Variants in ABCA7 observed in about 807,000 individuals in gnomAD.
ABCA7 encodes ATP binding cassette subfamily A member 7.
Under a neutral mutation model 227.6 loss-of-function variants are expected in ABCA7, and 261 were observed. The ratio of observed to expected loss-of-function variants is 1.15; its 90% CI spans 1.04 to 1.27. The LOEUF is 1.27. Ranked by LOEUF, ABCA7 falls within the 50% of genes most tolerant of loss-of-function variation. ABCA7 has a pLI of 0.00. For missense variants in ABCA7, 3,331 were observed against 2,924.5 expected (o/e 1.14, Z -3.21); for synonymous variants, 1,488 against 1,279.7 (o/e 1.16, Z -3.47).
At position 1,045,246 on chromosome 19, in the gene ABCA7, GGGGCGGGGGGATGAGGGACT is replaced by G. The variant is rs781193919; in HGVS notation, c.1445+24_1445+43del. ...ATCAGGGACAGGTCAGGCGAGGGAG[GGGGCGGGGGGATGAGGGACT>G]GGGCGGGGCCAAGAGCGTGGTGGGT... On this transcript the variant is annotated intron_variant, in intron 12 of 46. Transcript: ENST00000263094. 3.1e-6 allele frequency: 5 copies of G among 1,598,422 alleles called. No homozygotes were observed. The highest frequency in any genetic ancestry group is 4.5e-5 in the East Asian group (2 of 44,732).
rs1411691114 is a variant in ABCA7 at position 1,063,749 on chromosome 19, G to T, written c.5848-11G>T. 6.5e-7 allele frequency: 1 copy of T among 1,548,476 alleles called. No homozygotes were observed. On this transcript the variant is annotated splice_polypyrimidine_tract_variant and intron_variant, in intron 43 of 46. Transcript: ENST00000263094. ...CGGGGCCTTGCTTATGGGATCTTCC[G>T]TGCTCCCCAGGACGAGCCGACCACA...
chr19:1,057,094 C>A lies in ABCA7; in HGVS notation c.4764+10C>A. ...CTTTCTCTGGGACATGGTGCGGGGG[C>A]TGCTTGGACGGGTGGGGGCCCAGCC... On this transcript the variant is annotated intron_variant, in intron 34 of 46. Coordinates refer to ENST00000263094, the MANE Select transcript of ABCA7 (RefSeq NM_019112.4). 1 of 1,607,530 alleles carries A rather than the reference C, an allele frequency of 6.2e-7. No individual in the cohort carries two copies.
intron 40 of ABCA7, among the ~76,000 whole-genome samples, chr19:1,061,390 CAAAAAAAA>C (rs978850571): frequency 5.4e-5 from 2 of 36,920 alleles, no homozygotes; most frequent in African/African-American, 1.4e-4. Context: ...GGCTCCGTCT[CAAAAAAAA>C]AAAAAAAAAA....
At chr19:1,048,832 CA>C (rs1396752480) in intron 16 of ABCA7, 62 bp from the exon 17 acceptor site, 23 of 968,532 alleles carry the variant, frequency 2.4e-5, no homozygotes, top group African/African-American at 2.1e-4. Flanking sequence ...AACAAAACCC[CA>C]AAAAAAGCCT....
chr19:1,057,583 G>A (rs1049593055), intron 35 of ABCA7, among the ~76,000 whole-genome samples, 154 bp downstream of exon 35: 3 of 152,108 alleles, frequency 2.0e-5, no homozygotes, highest in Non-Finnish European at 4.4e-5. Flanking sequence ...GGTGTGCCAA[G>A]GTGGCCTTAA....
At chr19:1,057,576 G>A (rs2042361831) in intron 35 of ABCA7, 147 bp downstream of exon 35, 1 of 858,514 alleles carries the variant, frequency 1.2e-6, no homozygotes, top group African/African-American at 1.7e-5. Flanking sequence ...ATTCAGTGGT[G>A]TGCCAAGGTG....
intron 34 of ABCA7, 92 bp from the exon 35 acceptor site, chr19:1,057,222 C>A: frequency 1.9e-6 from 3 of 1,564,216 alleles, no homozygotes; most frequent in South Asian, 2.3e-5. Flanking sequence ...CCTTCCTACT[C>A]AAAAAGCAAG....
At chr19:1,050,804 AATAAT>A in intron 18 of ABCA7, 112 bp from the exon 19 acceptor site, 1 of 499,146 alleles carries the variant, frequency 2.0e-6, no homozygotes, top group Non-Finnish European at 2.7e-6. Flanking sequence ...TAATAATAAT[AATAAT>A]AATAATAATA....
At position 1,041,866 on chromosome 19, in the gene ABCA7, A is replaced by AC; in HGVS notation, c.198dup (p.Val67ArgfsTer10). On this transcript the variant is annotated frameshift_variant, in exon 4 of 47. Transcript: ENST00000263094. LOFTEE classifies it high-confidence loss of function. ...AAACAAGCCACTGCCATCGGCGGGC[A>AC]CCGTGCCCTGGCTCCAGGGTCTCAT... 6.3e-7 allele frequency: 1 copy of AC among 1,597,936 alleles called. No homozygotes were observed. Among genetic ancestry groups the AC allele is most frequent in the Non-Finnish European group, 8.5e-7 (1 of 1,176,892 alleles).
rs145232000 is a variant in ABCA7 at position 1,056,110 on chromosome 19, C to T, written c.4283C>T (p.Ser1428Leu). ...GGGGGCCGAGACCCAGGCCTGCCCT[C>T]GGGCCAAGAGTTGGGCCGCTCAGTG... ...SLGGRDPGLP[S>L]GQELGRSVEE... The change falls in exon 32 of 47, where the codon TCG becomes TTG. Residue 1428 changes from serine (S) to leucine (L), a missense_variant. Ser to Leu is a moderately radical substitution (Grantham distance 145, BLOSUM62 -2). Transcript: ENST00000263094. This position sits in a 1 kb window ranked among gnomAD's most constrained non-coding sequence, Gnocchi z 4.3. The T allele has an allele frequency of 2.0e-4, 321 of 1,606,694 alleles. 1 individual carries two copies. Among genetic ancestry groups the T allele is most frequent in the Middle Eastern group, 3.3e-4 (2 of 6,038 alleles).
At chr19:1,058,355 A>T in intron 37 of ABCA7, 86 bp downstream of exon 37, 1 of 1,546,238 alleles carries the variant, frequency 6.5e-7, no homozygotes, top group Non-Finnish European at 8.7e-7. Flanking sequence ...AGTGGAGAAA[A>T]ACAGCCCCCC....
chr19:1,045,265 C>A, intron 12 of ABCA7, 34 bp downstream of exon 12: 1 of 1,139,462 alleles, frequency 8.8e-7, no homozygotes, highest in Non-Finnish European at 1.3e-6. Flanking sequence ...GGATGAGGGA[C>A]TGGGCGGGGC....
chr19:1,047,329 T>C lies in ABCA7; in HGVS notation c.2018T>C (p.Leu673Pro). 4 of 1,597,188 alleles carry C rather than the reference T, an allele frequency of 2.5e-6. No homozygotes were observed. Among genetic ancestry groups the C allele is most frequent in the Non-Finnish European group, 2.6e-6 (3 of 1,175,298 alleles). ...TTCTCCCTCTACCTGCCCTACGTGCTGTGTGTGGCTTGGCGGGACCGGCTG... is the reference window on the plus strand; with the variant it reads ...TTCTCCCTCTACCTGCCCTACGTGCCGTGTGTGGCTTGGCGGGACCGGCTG... ...AYFSLYLPYV[L>P]CVAWRDRLPA... The change falls in exon 15 of 47, where the codon CTG (leucine) becomes CCG (proline). Residue 673 changes from leucine to proline, a missense_variant. Physicochemically the swap from Leu to Pro is moderately conservative, Grantham distance 98 (BLOSUM62 -3). Coordinates refer to ENST00000263094, the MANE Select transcript of ABCA7 (RefSeq NM_019112.4).
chr19:1,046,456 G>A, intron 13 of ABCA7, 50 bp downstream of exon 13: 1 of 1,511,290 alleles, frequency 6.6e-7, no homozygotes, highest in South Asian at 1.3e-5. Flanking sequence ...GAAGGTCCCG[G>A]GTGTGGGGGT....
At chr19:1,064,057 A>C in intron 44 of ABCA7, 104 bp from the exon 45 acceptor site, 1 of 1,356,222 alleles carries the variant, frequency 7.4e-7, no homozygotes, top group South Asian at 1.4e-5. Context: ...GAGTGGGGAG[A>C]TGTCCACACC....
chr19:1,054,961 G>T lies in ABCA7; in HGVS notation c.3950+83G>T. 1 of 1,545,186 alleles carries T rather than the reference G, an allele frequency of 6.5e-7. No individual in the cohort carries two copies. Among genetic ancestry groups the T allele is most frequent in the Non-Finnish European group, 8.8e-7 (1 of 1,140,554 alleles). On this transcript the variant is annotated intron_variant, in intron 29 of 46. Coordinates refer to ENST00000263094, the MANE Select transcript of ABCA7 (RefSeq NM_019112.4). The surrounding 1 kb of genome is among the most constrained non-coding windows in gnomAD (Gnocchi z 4.8). ...GTCCCTGGCCAGGGAGCCTCAGGGG[G>T]CACCTGGAGCATCCCCTGTGCCCAC...
At chr19:1,060,942 T>C (rs909033929) in intron 40 of ABCA7, among the ~76,000 whole-genome samples, 1 of 152,196 alleles carries the variant, frequency 6.6e-6, no homozygotes, top group Admixed American at 6.5e-5. Flanking sequence ...CATGCCCTGA[T>C]ATTTGTTGAG....
intron 18 of ABCA7, 53 bp downstream of exon 18, chr19:1,049,490 GCC>G (rs1476256518): frequency 2.0e-6 from 1 of 489,102 alleles, no homozygotes; most frequent in Non-Finnish European, 2.5e-6. Context: ...CACCCCGTGA[GCC>G]CCCCCACCAC....
chr19:1,058,230 G>T lies in ABCA7; in HGVS notation c.5110G>T (p.Val1704Leu), dbSNP rs757967138. The T allele has an allele frequency of 3.1e-6, 5 of 1,613,518 alleles. No homozygotes were observed. The African/African-American group carries it at 6.7e-5, about 22-fold the overall frequency. Residue 1704 changes from valine to leucine, a missense_variant, in exon 37 of 47, where the codon GTG becomes TTG. By Grantham distance (32) the Val-to-Leu change is conservative. Transcript: ENST00000263094. ...FCLGRGLIDM[V>L]RNQAMADAFE... is the part of the protein sequence containing the mutation. Reference sequence around the variant, plus strand: ...CTTGGGCCGGGGGCTCATTGACATGGTGCGGAACCAGGCCATGGCTGATGC... The same window carrying T: ...CTTGGGCCGGGGGCTCATTGACATGTTGCGGAACCAGGCCATGGCTGATGC...
Sources: gnomAD v4.1 joint callset for allele counts (sites outside exome capture counted in the v4.1 genomes callset) on GRCh38, gnomAD v4.1.1 for gene constraint, Gnocchi (gnomAD v3.1) non-coding constraint, MANE v1.5 for transcripts, NCBI Gene and HGNC (gene_info 2026-07-23, HGNC 2026-07-21) for gene names.